TSGA10: variants seen among roughly 807,000 people sequenced by gnomAD.
TSGA10 encodes the protein testis specific 10.
TSGA10 carries 43 observed loss-of-function variants against 96.6 expected under a neutral mutation model. The observed-to-expected ratio is 0.44, with a 90% confidence interval of 0.35 to 0.57. TSGA10 has a LOEUF of 0.57. Among genes scored for constraint, TSGA10 ranks in the 20% least tolerant of loss-of-function variants. The pLI, the probability that TSGA10 is intolerant of heterozygous loss-of-function variation, is 0.01. For synonymous variants in TSGA10, 229 were observed against 269.9 expected (o/e 0.85, Z 1.48); for missense variants, 703 against 834.4 (o/e 0.84, Z 1.94).
chr2:99,090,538 T>C (rs1215576848), intron 10 of TSGA10, among the ~76,000 whole-genome samples: 1 of 151,888 alleles, frequency 6.6e-6, no homozygotes, highest in African/African-American at 2.4e-5. Context: ...ATACAAGATA[T>C]GAGGGAAGAA....
At chr2:99,075,143 T>C (rs1002607254) in intron 12 of TSGA10, among the ~76,000 whole-genome samples, 13 of 152,230 alleles carry the variant, frequency 8.5e-5, no homozygotes, top group African/African-American at 3.1e-4. Context: ...TCTCTTAATA[T>C]GACCCTAATA....
intron 1 of TSGA10, among the ~76,000 whole-genome samples, chr2:99,140,035 T>C (rs1384810813): frequency 1.3e-5 from 2 of 152,238 alleles, no homozygotes; most frequent in Admixed American, 1.3e-4. Flanking sequence ...AGAGAATCTC[T>C]ACACCTGATT....
chr2:99,072,232 GC>G (rs1280336183), intron 13 of TSGA10, among the ~76,000 whole-genome samples: 1 of 152,064 alleles, frequency 6.6e-6, no homozygotes, highest in African/African-American at 2.4e-5. Flanking sequence ...CAGGGCTCAA[GC>G]CCTAGCCTCC....
chr2:99,109,601 A>T (rs1211655098), intron 5 of TSGA10, 89 bp from the exon 6 acceptor site: 4 of 1,087,110 alleles, frequency 3.7e-6, no homozygotes, highest in Admixed American at 3.7e-5. Flanking sequence ...AAGCTAAACT[A>T]TAGCATCATT....
chr2:99,073,701 G>T (rs775645564), intron 12 of TSGA10, among the ~76,000 whole-genome samples: 12 of 152,018 alleles, frequency 7.9e-5, no homozygotes, highest in Non-Finnish European at 1.6e-4. Flanking sequence ...TTTTTCAAAG[G>T]CGTGATGAGG....
At chr2:99,077,230 T>G (rs1002773348) in intron 12 of TSGA10, among the ~76,000 whole-genome samples, 1 of 125,066 alleles carries the variant, frequency 8.0e-6, no homozygotes, top group Non-Finnish European at 1.6e-5. Context: ...AACCTCCACC[T>G]CCCAGGCTCA....
chr2:99,081,426 T>G (rs1159381866), intron 10 of TSGA10, 29 bp from the exon 11 acceptor site: 3 of 1,381,998 alleles, frequency 2.2e-6, no homozygotes, highest in Non-Finnish European at 3.0e-6. Context: ...TAAAACTAAT[T>G]CTGAAATTTT....
intron 20 of TSGA10, among the ~76,000 whole-genome samples, chr2:99,006,996 C>T (rs1048890591): frequency 6.6e-6 from 1 of 152,124 alleles, no homozygotes; most frequent in African/African-American, 2.4e-5. Context: ...TTTGTAGGGA[C>T]ATGGATGAAG....
intron 2 of TSGA10, among the ~76,000 whole-genome samples, chr2:99,122,508 G>C (rs921936522): frequency 1.3e-5 from 2 of 150,768 alleles, no homozygotes; most frequent in Admixed American, 1.3e-4. Flanking sequence ...AATCGGAGTA[G>C]TGGCTCACAT....
At chr2:99,069,371 T>C (rs2085646329) in intron 14 of TSGA10, among the ~76,000 whole-genome samples, 1 of 152,122 alleles carries the variant, frequency 6.6e-6, no homozygotes, top group African/African-American at 2.4e-5. Flanking sequence ...AGAAAGCAAA[T>C]CTGTGATCAG....
At chr2:99,055,287 T>C (rs2083846786) in intron 16 of TSGA10, among the ~76,000 whole-genome samples, 1 of 152,120 alleles carries the variant, frequency 6.6e-6, no homozygotes, top group Non-Finnish European at 1.5e-5. Context: ...CTCGTTTATA[T>C]GTGGAATCTA....
intron 1 of TSGA10, among the ~76,000 whole-genome samples, chr2:99,134,073 C>T (rs1192449586): frequency 1.3e-5 from 2 of 152,166 alleles, no homozygotes; most frequent in African/African-American, 4.8e-5. Context: ...TGGGGTTGCT[C>T]TTCTCGAGGA....
intron 16 of TSGA10, among the ~76,000 whole-genome samples, chr2:99,038,764 T>A (rs917977303): frequency 2.0e-5 from 3 of 152,106 alleles, no homozygotes; most frequent in African/African-American, 7.2e-5. Flanking sequence ...ACAATGGACT[T>A]AAACTATACC....
intron 1 of TSGA10, chr2:99,141,376 C>A: frequency 5.2e-6 from 1 of 194,042 alleles, no homozygotes; most frequent in South Asian, 5.8e-5. Context: ...CTCCCCGGCG[C>A]CCCAGCTTTG....
At chr2:99,141,282 A>G (rs2093540634) in intron 1 of TSGA10, 10 of 617,546 alleles carry the variant, frequency 1.6e-5, no homozygotes, top group Admixed American at 1.0e-4. Flanking sequence ...AGCCCGCGGG[A>G]AGGAGGAGGG....
At chr2:99,066,273 T>C (rs1423499980) in intron 15 of TSGA10, among the ~76,000 whole-genome samples, 2 of 152,224 alleles carry the variant, frequency 1.3e-5, no homozygotes, top group Non-Finnish European at 2.9e-5. Context: ...TTATTGGCTT[T>C]CAAGATTCAG....
intron 20 of TSGA10, among the ~76,000 whole-genome samples, chr2:99,017,488 G>A (rs953815363): frequency 7.2e-5 from 11 of 152,118 alleles, no homozygotes; most frequent in Admixed American, 6.6e-4. Flanking sequence ...ACATTGGGCC[G>A]GGCGCGGTGG....
chr2:99,103,391 T>C (rs994963956), intron 10 of TSGA10, among the ~76,000 whole-genome samples: 3 of 152,242 alleles, frequency 2.0e-5, no homozygotes, highest in African/African-American at 7.2e-5. Context: ...ACCACTCATG[T>C]AGAGGTCTTC....
At chr2:99,131,197 CT>C (rs1559113090) in intron 1 of TSGA10, among the ~76,000 whole-genome samples, 1 of 152,032 alleles carries the variant, frequency 6.6e-6, no homozygotes, top group Non-Finnish European at 1.5e-5. Context: ...AGCATTGAAT[CT>C]ATAAAATACT....
Sources: gnomAD v4.1 joint callset for allele counts (sites outside exome capture counted in the v4.1 genomes callset) on GRCh38, gnomAD v4.1.1 for gene constraint, MANE v1.5 for transcripts, NCBI Gene and HGNC (gene_info 2026-07-23, HGNC 2026-07-21) for gene names.